Variants in CATSPERE observed in about 807,000 individuals in gnomAD.
CATSPERE encodes the protein cation channel sperm-associated auxiliary subunit epsilon.
Under a neutral mutation model 114.1 loss-of-function variants are expected in CATSPERE, and 93 were observed. That is an observed-to-expected ratio of 0.81 (90% CI 0.69 to 0.97). The LOEUF is 0.97. Among genes scored for constraint, CATSPERE ranks in the 50% least tolerant of loss-of-function variants. The probability of loss-of-function intolerance (pLI) is 0.00; values close to 1 mark genes in which losing one functional copy is unlikely to be tolerated. For synonymous variants in CATSPERE, 341 were observed against 384.1 expected, an observed-to-expected ratio of 0.89 and a Z score of 1.31; for missense variants, 1,058 against 1,131.6, an observed-to-expected ratio of 0.93 and a Z score of 0.93.
At chr1:244,452,941 T>A (rs1031100591), upstream of CATSPERE, among the ~76,000 whole-genome samples, 3 of 152,222 alleles carry the variant, frequency 2.0e-5, no homozygotes, top group East Asian at 5.8e-4. Context: ...AAAGTGGGAA[T>A]GGAATCACAT....
At chr1:244,618,494 A>G in intron 20 of CATSPERE, among the ~76,000 whole-genome samples, 1 of 152,196 alleles carries the variant, frequency 6.6e-6, no homozygotes, top group East Asian at 1.9e-4. Context: ...TGCAGAAGAA[A>G]AATAGACCAG....
chr1:244,487,394 C>T (rs1671271486), intron 5 of CATSPERE, among the ~76,000 whole-genome samples: 1 of 152,098 alleles, frequency 6.6e-6, no homozygotes, highest in South Asian at 2.1e-4. Context: ...CTGAGGTAGT[C>T]AAGCCGTGTA....
At chr1:244,608,972 G>A (rs1180927288) in intron 18 of CATSPERE, among the ~76,000 whole-genome samples, 1 of 151,938 alleles carries the variant, frequency 6.6e-6, no homozygotes, top group Non-Finnish European at 1.5e-5. Flanking sequence ...GTGATCACTT[G>A]AGGTCAACTC....
At chr1:244,532,590 C>A (rs1679781921) in intron 8 of CATSPERE, among the ~76,000 whole-genome samples, 1 of 152,116 alleles carries the variant, frequency 6.6e-6, no homozygotes, top group Non-Finnish European at 1.5e-5. Context: ...GCCTGCCCTT[C>A]AATTCCCTCT....
intron 20 of CATSPERE, among the ~76,000 whole-genome samples, chr1:244,625,913 CT>C (rs1297958893): frequency 2.4e-4 from 35 of 146,610 alleles, no homozygotes; most frequent in East Asian, 1.2e-3. Flanking sequence ...TGAAAGGAAT[CT>C]TTTTTTTTTT....
chr1:244,458,956 C>T (rs1432919991), upstream of CATSPERE, among the ~76,000 whole-genome samples: 2 of 152,122 alleles, frequency 1.3e-5, no homozygotes, highest in Non-Finnish European at 2.9e-5. Flanking sequence ...GTGCAAGGTT[C>T]CTGACCTGTG....
chr1:244,528,823 A>ACT (rs1315105932), intron 8 of CATSPERE, among the ~76,000 whole-genome samples: 3 of 150,334 alleles, frequency 2.0e-5, no homozygotes, highest in Admixed American at 1.3e-4. Context: ...ACACACACAC[A>ACT]CACTCTACTC....
chr1:244,540,136 T>TA, intron 8 of CATSPERE, among the ~76,000 whole-genome samples: 1 of 151,154 alleles, frequency 6.6e-6, no homozygotes, highest in African/African-American at 2.4e-5. Context: ...CTATTCAACA[T>TA]AGTGTTGGAA....
chr1:244,496,770 A>G (rs2148264201), intron 6 of CATSPERE, among the ~76,000 whole-genome samples: 1 of 152,338 alleles, frequency 6.6e-6, no homozygotes, highest in Non-Finnish European at 1.5e-5. Flanking sequence ...AACAGTGTTC[A>G]GAAAAACACT....
At chr1:244,472,249 C>A (rs1458703806) in intron 2 of CATSPERE, among the ~76,000 whole-genome samples, 1 of 152,238 alleles carries the variant, frequency 6.6e-6, no homozygotes, top group Non-Finnish European at 1.5e-5. Context: ...GCATGAGCCA[C>A]TGCACCTGGC....
intron 5 of CATSPERE, among the ~76,000 whole-genome samples, chr1:244,489,097 A>G (rs958550703): frequency 6.6e-6 from 1 of 152,160 alleles, no homozygotes; most frequent in Non-Finnish European, 1.5e-5. Flanking sequence ...AAAACATACA[A>G]CTAAACATAC....
chr1:244,481,662 G>A (rs754995114), intron 5 of CATSPERE, among the ~76,000 whole-genome samples: 13 of 151,940 alleles, frequency 8.6e-5, no homozygotes, highest in Non-Finnish European at 4.4e-5. Context: ...CCTAATCCCC[G>A]ATGTGATGGT....
At chr1:244,456,924 G>A (rs1482612091), upstream of CATSPERE, among the ~76,000 whole-genome samples, 2 of 152,234 alleles carry the variant, frequency 1.3e-5, no homozygotes, top group African/African-American at 4.8e-5. Context: ...TACAAGGTGT[G>A]TAAGGAAGGT....
intron 2 of CATSPERE, among the ~76,000 whole-genome samples, chr1:244,469,225 T>A (rs2148106150): frequency 6.6e-6 from 1 of 152,286 alleles, no homozygotes; most frequent in Non-Finnish European, 1.5e-5. Flanking sequence ...TAGTAAAACA[T>A]TTAAATATAC....
chr1:244,535,501 C>T (rs1680254856), intron 8 of CATSPERE, among the ~76,000 whole-genome samples: 1 of 152,212 alleles, frequency 6.6e-6, no homozygotes. Flanking sequence ...CCTCTCTTTC[C>T]TTTTCACAGA....
chr1:244,589,433 G>A (rs1324390569), intron 14 of CATSPERE, among the ~76,000 whole-genome samples: 2 of 151,978 alleles, frequency 1.3e-5, no homozygotes, highest in East Asian at 1.9e-4. Context: ...CTTTGCACCC[G>A]TAATTCCTTT....
At chr1:244,553,983 A>T (rs1260435659) in intron 9 of CATSPERE, among the ~76,000 whole-genome samples, 2 of 152,110 alleles carry the variant, frequency 1.3e-5, no homozygotes, top group African/African-American at 4.8e-5. Flanking sequence ...AGTTCCATCC[A>T]TATTGCTGCA....
At position 244,560,816 on chromosome 1, in the gene CATSPERE, G is replaced by A; in HGVS notation, c.1178G>A (p.Arg393Lys). ...GTGACTGCTACTCTGACCATAGACA[G>A]GGTTGAGTATACAGGACACCCTCTG... ...LSVTATLTID[R>K]VEYTGHPLEI... The change falls in exon 10 of 22, where the codon AGG becomes AAG. Residue 393 changes from arginine (R) to lysine (K), a missense_variant. By Grantham distance (26) the Arg-to-Lys change is conservative. Around this residue, in one of 2 missense-constraint regions of CATSPERE, gnomAD observed 787 missense variants for 905.6 expected, o/e 0.87. Transcript: ENST00000366534. The A allele has an allele frequency of 6.2e-7, 1 of 1,614,032 alleles. No individual in the cohort carries two copies. Among genetic ancestry groups the A allele is most frequent in the Non-Finnish European group, 8.5e-7 (1 of 1,179,978 alleles).
chr1:244,535,193 G>A (rs1164912310), intron 8 of CATSPERE, among the ~76,000 whole-genome samples: 2 of 152,184 alleles, frequency 1.3e-5, no homozygotes, highest in Non-Finnish European at 2.9e-5. Context: ...CTGCCACTGG[G>A]ACTGCACTGG....
Sources: gnomAD v4.1 joint callset for allele counts (sites outside exome capture counted in the v4.1 genomes callset) on GRCh38, gnomAD v4.1.1 for gene constraint, gnomAD v4.1.1 regional missense constraint, MANE v1.5 for transcripts, NCBI Gene and HGNC (gene_info 2026-07-23, HGNC 2026-07-21) for gene names.